SAMD3: variants seen among roughly 807,000 people sequenced by gnomAD.
SAMD3 encodes sterile alpha motif domain-containing protein 3.
A neutral mutation model predicts 58.5 loss-of-function variants in SAMD3; 63 were observed. The observed-to-expected ratio is 1.08, with a 90% CI of 0.88 to 1.33. SAMD3 has a LOEUF of 1.33. Ranked by LOEUF, SAMD3 falls within the 40% of genes most tolerant of loss-of-function variation. SAMD3 has a pLI of 0.00. For missense variants in SAMD3, 604 were observed against 608.4 expected (o/e 0.99, Z 0.08); for synonymous variants, 220 against 210.3 (o/e 1.05, Z -0.40).
chr6:130,354,047 A>T (rs1355932907), intron 1 of SAMD3, among the ~76,000 whole-genome samples: 1 of 152,254 alleles, frequency 6.6e-6, no homozygotes, highest in African/African-American at 2.4e-5. Context: ...GAAGACATAC[A>T]TGCAGCCAAC....
chr6:130,361,238 G>C (rs986133834), intron 1 of SAMD3, among the ~76,000 whole-genome samples: 1 of 152,098 alleles, frequency 6.6e-6, no homozygotes, highest in African/African-American at 2.4e-5. Flanking sequence ...TTGCAGTAAA[G>C]ACAGGCATAA....
Position 130,144,518 on chromosome 6 carries a change from T to C in SAMD3, c.*2A>G. 1 of 1,613,280 alleles carries C rather than the reference T, an allele frequency of 6.2e-7. No individual in the cohort carries two copies. Among genetic ancestry groups the C allele is most frequent in the Non-Finnish European group, 8.5e-7 (1 of 1,179,636 alleles). On this transcript the variant is annotated 3_prime_UTR_variant, in exon 12 of 12. Coordinates refer to ENST00000439090, the MANE Select transcript of SAMD3 (RefSeq NM_001017373.4). The stretch of plus-strand genomic sequence containing the variant: ...AATTCCAGTACAATATTTGGCATGC[T>C]ATTAAGTGAGTGGGTGCTGAAATCC...
At chr6:130,323,072 C>A (rs912430978) in intron 1 of SAMD3, among the ~76,000 whole-genome samples, 2 of 152,146 alleles carry the variant, frequency 1.3e-5, no homozygotes, top group African/African-American at 4.8e-5. Flanking sequence ...TACCATGGAG[C>A]ATTTTATAAA....
chr6:130,353,786 A>G (rs956698662), intron 1 of SAMD3, among the ~76,000 whole-genome samples: 7 of 152,194 alleles, frequency 4.6e-5, no homozygotes, highest in Non-Finnish European at 1.0e-4. Context: ...AGGGATACAC[A>G]TCTGTGTCTG....
At chr6:130,280,498 T>C (rs549378485) in intron 2 of SAMD3, among the ~76,000 whole-genome samples, 1 of 152,288 alleles carries the variant, frequency 6.6e-6, no homozygotes, top group African/African-American at 2.4e-5. Context: ...CTTGAAAATA[T>C]CACCTTTAGA....
intron 1 of SAMD3, among the ~76,000 whole-genome samples, chr6:130,341,767 T>C (rs1777283274): frequency 6.6e-6 from 1 of 152,172 alleles, no homozygotes; most frequent in South Asian, 2.1e-4. Context: ...ACATGATCTT[T>C]TGAGGCCTTT....
chr6:130,357,863 G>GT (rs1476707288), intron 1 of SAMD3, among the ~76,000 whole-genome samples: 3 of 152,214 alleles, frequency 2.0e-5, no homozygotes, highest in Admixed American at 2.0e-4. Flanking sequence ...CGGTCATCAT[G>GT]TTTTTTGTTG....
chr6:130,313,563 T>TG (rs1267439258), intron 1 of SAMD3, among the ~76,000 whole-genome samples: 1 of 152,186 alleles, frequency 6.6e-6, no homozygotes, highest in Non-Finnish European at 1.5e-5. Context: ...ACAATTCAGT[T>TG]GGTAGACTCT....
intron 2 of SAMD3, among the ~76,000 whole-genome samples, chr6:130,292,775 C>T (rs916311421): frequency 4.6e-5 from 7 of 152,000 alleles, no homozygotes; most frequent in East Asian, 1.9e-4. Flanking sequence ...CCCGTCACCA[C>T]GCCCGGCTAA....
At chr6:130,178,364 C>T (rs577996394) in intron 7 of SAMD3, among the ~76,000 whole-genome samples, 3 of 151,076 alleles carry the variant, frequency 2.0e-5, no homozygotes, top group East Asian at 1.9e-4. Flanking sequence ...TAGATCCCCA[C>T]AGTGAGTGCG....
chr6:130,300,085 C>T (rs541820994), intron 2 of SAMD3, among the ~76,000 whole-genome samples: 100 of 152,114 alleles, frequency 6.6e-4, no homozygotes, highest in African/African-American at 2.4e-3. Flanking sequence ...TCAAGTCAGA[C>T]GTATTCTTCT....
chr6:130,308,386 T>TTCTAA (rs1412602890), intron 2 of SAMD3, among the ~76,000 whole-genome samples: 6 of 140,822 alleles, frequency 4.3e-5, no homozygotes, highest in Non-Finnish European at 7.6e-5. Context: ...TTCTATTCTA[T>TTCTAA]TCTATTCTAT....
chr6:130,202,973 C>T (rs1562441238), intron 5 of SAMD3, among the ~76,000 whole-genome samples: 2 of 152,138 alleles, frequency 1.3e-5, no homozygotes, highest in Non-Finnish European at 2.9e-5. Flanking sequence ...CCCTCTTCAC[C>T]TCATTATACA....
At chr6:130,188,257 C>T (rs1411210304) in intron 5 of SAMD3, among the ~76,000 whole-genome samples, 1 of 152,184 alleles carries the variant, frequency 6.6e-6, no homozygotes, top group East Asian at 1.9e-4. Context: ...TAAGAACGGG[C>T]TCAGGTGAGC....
chr6:130,256,978 T>C (rs1451734638), intron 2 of SAMD3, among the ~76,000 whole-genome samples: 1 of 152,178 alleles, frequency 6.6e-6, no homozygotes, highest in African/African-American at 2.4e-5. Context: ...ATTTTCTGTG[T>C]CCTTGCTAAC....
At chr6:130,282,778 T>C (rs562870759) in intron 2 of SAMD3, among the ~76,000 whole-genome samples, 70 of 152,310 alleles carry the variant, frequency 4.6e-4, no homozygotes, top group African/African-American at 1.7e-3. Flanking sequence ...TTCAAAATAA[T>C]AACTTCTCAC....
intron 2 of SAMD3, among the ~76,000 whole-genome samples, chr6:130,250,139 C>T (rs553000148): frequency 6.6e-6 from 1 of 152,110 alleles, no homozygotes; most frequent in African/African-American, 2.4e-5. Context: ...ACCAACATTA[C>T]AGTGAGACAG....
At position 130,319,122 on chromosome 6, in the gene SAMD3, C is replaced by T. The variant is rs59945273; in HGVS notation, c.-303-6029G>A. On this transcript the variant is annotated intron_variant, in intron 1 of 13. Transcript: ENST00000368134. ...TATCCAAGAAGGAAAAAATCCTGAA[C>T]GAATCAATAAAGCATCAGTGGGTTG... is the stretch of plus-strand genomic sequence containing the variant. Among the ~76,000 whole-genome samples the T allele has an allele frequency of 8.4e-3, 1,281 of 152,000 alleles. 18 individuals carry two copies. The highest frequency in any genetic ancestry group is 0.029 in the African/African-American group (1,192 of 41,472).
intron 9 of SAMD3, among the ~76,000 whole-genome samples, chr6:130,152,156 A>G (rs1789261578): frequency 6.6e-6 from 1 of 152,004 alleles, no homozygotes. Flanking sequence ...CCAGCTCCCT[A>G]AGCACTCAGT....
Sources: allele counts gnomAD v4.1 joint callset (sites outside exome capture counted in the v4.1 genomes callset), GRCh38; gene constraint gnomAD v4.1.1; transcripts MANE v1.5; gene names NCBI Gene and HGNC (gene_info 2026-07-23, HGNC 2026-07-21).